Variants in MFHAS1 observed in about 807,000 individuals in gnomAD.
The protein encoded by MFHAS1 is malignant fibrous histiocytoma-amplified sequence 1.
In MFHAS1, 50 loss-of-function variants were observed where a neutral mutation model predicts 70.4. The ratio of observed to expected loss-of-function variants is 0.71; its 90% CI spans 0.57 to 0.90. MFHAS1 has a LOEUF of 0.90. Among genes scored for constraint, MFHAS1 ranks in the 40% least tolerant of loss-of-function variants. The pLI is 0.00. For missense variants in MFHAS1, 1,795 were observed against 1,347.6 expected (o/e 1.33, Z -5.20); for synonymous variants, 952 against 620.0 (o/e 1.54, Z -7.96).
At chr8:8,872,146 G>C (rs967290466) in intron 1 of MFHAS1, among the ~76,000 whole-genome samples, 2 of 152,236 alleles carry the variant, frequency 1.3e-5, no homozygotes, top group African/African-American at 4.8e-5. Flanking sequence ...AAGGGAGCAT[G>C]TGACTGTGCA....
At chr8:8,828,324 C>T (rs933979906) in intron 1 of MFHAS1, among the ~76,000 whole-genome samples, 1 of 152,182 alleles carries the variant, frequency 6.6e-6, no homozygotes, top group Non-Finnish European at 1.5e-5. Context: ...CACTTAGGTG[C>T]GGTGAAATCA....
chr8:8,804,740 T>A (rs1806229389), intron 1 of MFHAS1, among the ~76,000 whole-genome samples: 2 of 152,306 alleles, frequency 1.3e-5, no homozygotes, highest in Middle Eastern at 3.4e-3. Context: ...ACTCACACAA[T>A]GGTTCTCAGA....
intron 1 of MFHAS1, among the ~76,000 whole-genome samples, chr8:8,845,982 G>A (rs565353223): frequency 2.3e-4 from 35 of 152,204 alleles, no homozygotes; most frequent in African/African-American, 8.4e-4. Flanking sequence ...GCCTGGCACA[G>A]TGGCTAACAC....
At position 8,890,633 on chromosome 8, in the gene MFHAS1, G is replaced by C. The variant is rs1257342731; in HGVS notation, c.2426C>G (p.Pro809Arg). The C allele has an allele frequency of 1.2e-6, 2 of 1,613,620 alleles. No homozygotes were observed. The highest frequency in any genetic ancestry group is 2.2e-5 in the East Asian group (1 of 44,874). Residue 809 changes from proline to arginine, a missense_variant, in exon 1 of 3, where the codon CCT becomes CGT. By Grantham distance (103) the Pro-to-Arg change is moderately radical. Coordinates refer to ENST00000276282, the MANE Select transcript of MFHAS1 (RefSeq NM_004225.3). Reference sequence around the variant, plus strand: ...CAAGTCCTGCTGGGCCTGGACATGAGGCTTAAGCAGCAACCGAATGACATG... The same window carrying C: ...CAAGTCCTGCTGGGCCTGGACATGACGCTTAAGCAGCAACCGAATGACATG... ...PAHVIRLLLKPHVQAQQDLQL... is the reference protein window; with the variant it reads ...PAHVIRLLLKRHVQAQQDLQL...
At chr8:8,875,773 A>G in intron 1 of MFHAS1, among the ~76,000 whole-genome samples, 1 of 152,034 alleles carries the variant, frequency 6.6e-6, no homozygotes, top group Admixed American at 6.6e-5. Context: ...GCAATTTTTT[A>G]CTAGAGACGG....
At chr8:8,797,885 G>A (rs776456759) in intron 1 of MFHAS1, among the ~76,000 whole-genome samples, 1 of 152,162 alleles carries the variant, frequency 6.6e-6, no homozygotes, top group African/African-American at 2.4e-5. Flanking sequence ...ATTAGGATTT[G>A]GGGCAGATGG....
chr8:8,883,465 T>C (rs1809608911), intron 1 of MFHAS1, among the ~76,000 whole-genome samples: 1 of 151,014 alleles, frequency 6.6e-6, no homozygotes, highest in East Asian at 2.0e-4. Flanking sequence ...CCCAGCACTT[T>C]GGGCAGCCAA....
intron 2 of MFHAS1, chr8:8,790,293 A>C: frequency 1.2e-6 from 1 of 833,340 alleles, no homozygotes; most frequent in Non-Finnish European, 1.4e-6. Context: ...TTACCTATTT[A>C]AGAAATTCTC....
At chr8:8,845,162 G>T (rs1470576820) in intron 1 of MFHAS1, among the ~76,000 whole-genome samples, 1 of 152,128 alleles carries the variant, frequency 6.6e-6, no homozygotes, top group Non-Finnish European at 1.5e-5. Flanking sequence ...AAATCAAGTG[G>T]ATTTTTTATG....
intron 1 of MFHAS1, among the ~76,000 whole-genome samples, chr8:8,887,004 C>G (rs1050640227): frequency 2.6e-5 from 4 of 152,042 alleles, no homozygotes; most frequent in Non-Finnish European, 5.9e-5. Context: ...GCGCATGCCT[C>G]TAATTCCAGC....
chr8:8,801,156 A>C (rs1352564600), intron 1 of MFHAS1, among the ~76,000 whole-genome samples: 1 of 152,060 alleles, frequency 6.6e-6, no homozygotes, highest in East Asian at 1.9e-4. Context: ...TGGAGGTTGC[A>C]GTGACCCAAG....
chr8:8,787,282 A>C (rs143172411), intron 2 of MFHAS1, among the ~76,000 whole-genome samples: 16 of 152,090 alleles, frequency 1.1e-4, no homozygotes, highest in Non-Finnish European at 2.4e-4. Flanking sequence ...GGGTTTCACC[A>C]TGTTAGCCAG....
intron 1 of MFHAS1, among the ~76,000 whole-genome samples, chr8:8,877,455 C>T (rs199531643): frequency 1.4e-3 from 217 of 152,136 alleles, no homozygotes; most frequent in Non-Finnish European, 2.7e-3. Context: ...GTGTCAGATC[C>T]GAATTTGCCT....
chr8:8,817,399 G>C (rs1806787886), intron 1 of MFHAS1, among the ~76,000 whole-genome samples: 1 of 152,248 alleles, frequency 6.6e-6, no homozygotes, highest in South Asian at 2.1e-4. Context: ...AGTATGGGCA[G>C]TTGCCAACCT....
intron 1 of MFHAS1, among the ~76,000 whole-genome samples, chr8:8,805,626 A>G (rs74441110): frequency 1.3e-5 from 2 of 152,284 alleles, no homozygotes; most frequent in East Asian, 1.9e-4. Flanking sequence ...GCACAGTTCA[A>G]ACTCGTGTGT....
chr8:8,846,274 A>AGGGGGG (rs1563201514), intron 1 of MFHAS1, among the ~76,000 whole-genome samples: 1 of 30,368 alleles, frequency 3.3e-5, no homozygotes, highest in Admixed American at 5.4e-4. Context: ...GGGGGGGGGA[A>AGGGGGG]GGAGGAGGAG....
At position 8,891,007 on chromosome 8, in the gene MFHAS1, C is replaced by A; in HGVS notation, c.2052G>T (p.Trp684Cys). ...PQAQRLWLSW[W>C]DSARLGLQAG... The stretch of plus-strand genomic sequence containing the variant: ...CCTGCAGGCCCAAGCGCGCCGAGTC[C>A]CACCAGCTTAGCCACAGTCGCTGGG... Residue 684 changes from tryptophan to cysteine, a missense_variant, in exon 1 of 3, where the codon TGG (tryptophan) becomes TGT (cysteine). By Grantham distance (215) the Trp-to-Cys change is radical (BLOSUM62 -2). Transcript: ENST00000276282. The surrounding 1 kb of genome is among the most constrained non-coding windows in gnomAD (Gnocchi z 5.4). 1.9e-6 allele frequency: 3 copies of A among 1,613,926 alleles called. No homozygotes were observed. The highest frequency in any genetic ancestry group is 2.5e-6 in the Non-Finnish European group (3 of 1,179,972).
rs141282319 is a variant in MFHAS1 at position 8,787,312 on chromosome 8, C to T, written c.3126-1257G>A. ...AGCCAGGATGATCTTGATCTCCTGACCTCATGATCCGCCCACCTTGGCCTC... is the reference window on the plus strand; with the variant it reads ...AGCCAGGATGATCTTGATCTCCTGATCTCATGATCCGCCCACCTTGGCCTC... On this transcript the variant is annotated intron_variant, in intron 2 of 2. Transcript: ENST00000276282. Among the ~76,000 whole-genome samples the T allele has an allele frequency of 5.9e-5, 9 of 152,234 alleles. No homozygotes were observed. In the East Asian group the frequency reaches 9.7e-4, roughly 16 times the overall value.
chr8:8,838,735 C>G (rs1807696680), intron 1 of MFHAS1, among the ~76,000 whole-genome samples: 2 of 150,728 alleles, frequency 1.3e-5, no homozygotes, highest in African/African-American at 2.4e-5. Flanking sequence ...ATCGGTTGAA[C>G]TGGGAGGCAG....
Sources: gnomAD v4.1 joint callset for allele counts (sites outside exome capture counted in the v4.1 genomes callset) on GRCh38, gnomAD v4.1.1 for gene constraint, Gnocchi (gnomAD v3.1) non-coding constraint, MANE v1.5 for transcripts, NCBI Gene and HGNC (gene_info 2026-07-23, HGNC 2026-07-21) for gene names.